The following MED27 variants were observed in gnomAD, a reference collection of about 807,000 sequenced individuals.
The protein encoded by MED27 is mediator of RNA polymerase II transcription subunit 27.
Under a neutral mutation model 38.2 loss-of-function variants are expected in MED27, and 30 were observed. The observed-to-expected ratio is 0.79, with a 90% confidence interval of 0.59 to 1.07. The LOEUF is 1.07. Ranked by LOEUF, MED27 falls within the 50% of genes least tolerant of loss-of-function variation. MED27 has a pLI of 0.00. For synonymous variants in MED27, 122 were observed against 153.5 expected, an observed-to-expected ratio of 0.79 and a Z score of 1.52; for missense variants, 289 against 397.5, an observed-to-expected ratio of 0.73 and a Z score of 2.32.
intron 3 of MED27, among the ~76,000 whole-genome samples, chr9:131,978,671 AAAC>A (rs904454178): frequency 1.3e-5 from 2 of 152,136 alleles, no homozygotes; most frequent in Admixed American, 6.5e-5. Context: ...TAAAAAGTTA[AAAC>A]AACAACAACA....
intron 2 of MED27, among the ~76,000 whole-genome samples, chr9:132,072,030 C>A (rs1279491641): frequency 6.6e-6 from 1 of 151,486 alleles, no homozygotes; most frequent in African/African-American, 2.4e-5. Flanking sequence ...GCGCAACACG[C>A]ACCCCGTGAA....
At position 132,051,086 on chromosome 9, in the gene MED27, C is replaced by T. The variant is rs1443651170; in HGVS notation, c.348+26356G>A. Among the ~76,000 whole-genome samples the T allele has an allele frequency of 6.6e-6, 1 of 152,180 alleles. No homozygotes were observed. The highest frequency in any genetic ancestry group is 1.5e-5 in the Non-Finnish European group (1 of 68,024). The stretch of plus-strand genomic sequence containing the variant: ...GCAGCGAATGTTCTAATGGATCCAT[C>T]CTTTTTCAAATGAAGTGTCAAGACA... On this transcript the variant is annotated intron_variant, in intron 2 of 7. Transcript: ENST00000292035. The surrounding 1 kb of genome is among the most constrained non-coding windows in gnomAD (Gnocchi z 4.2).
intron 6 of MED27, chr9:131,868,781 G>A (rs1353385394): frequency 1.0e-6 from 1 of 985,354 alleles, no homozygotes; most frequent in African/African-American, 1.7e-5. Flanking sequence ...GCAGCTGCCC[G>A]CCATCTCCCA....
rs540031997 is a variant in MED27 at position 131,928,570 on chromosome 9, C to A, written c.573+10811G>T. On this transcript the variant is annotated intron_variant, in intron 4 of 7. Coordinates refer to ENST00000292035, the MANE Select transcript of MED27 (RefSeq NM_004269.4). ...CACACTTGGGTGAGGGAGAGCACAG[C>A]GACTGGGGGACTTGCCATTGAACTC... 1.3e-5 allele frequency among the ~76,000 whole-genome samples: 2 copies of A among 152,272 alleles called. 1 individual carries two copies. The highest frequency in any genetic ancestry group is 4.1e-4 in the South Asian group (2 of 4,824).
chr9:131,888,933 T>C (rs192985333), intron 5 of MED27, among the ~76,000 whole-genome samples: 2 of 152,358 alleles, frequency 1.3e-5, no homozygotes, highest in Admixed American at 1.3e-4. Context: ...ACTAAAAAAC[T>C]GCTGAAAGCA....
chr9:132,024,196 C>T (rs1266285983), intron 2 of MED27, among the ~76,000 whole-genome samples: 1 of 152,152 alleles, frequency 6.6e-6, no homozygotes, highest in Non-Finnish European at 1.5e-5. Flanking sequence ...AGAAAGGCAA[C>T]GTTCAATCTT....
chr9:131,974,761 A>C (rs1831568121), intron 3 of MED27, among the ~76,000 whole-genome samples: 1 of 152,178 alleles, frequency 6.6e-6, no homozygotes. Context: ...CTTTCCTCCC[A>C]ACTCACCTGT....
intron 2 of MED27, among the ~76,000 whole-genome samples, chr9:132,020,094 T>A (rs530543928): frequency 1.7e-4 from 26 of 152,324 alleles, no homozygotes; most frequent in African/African-American, 5.5e-4. Context: ...AAATTCCAGA[T>A]GCACAGTGGC....
chr9:132,034,571 A>AGTG (rs1365495321), intron 2 of MED27, among the ~76,000 whole-genome samples: 3 of 152,222 alleles, frequency 2.0e-5, no homozygotes, highest in African/African-American at 7.2e-5. Context: ...GGTAGCTAAA[A>AGTG]CTGAGCACGT....
chr9:131,893,270 A>C (rs772686907), intron 5 of MED27, among the ~76,000 whole-genome samples: 7 of 152,036 alleles, frequency 4.6e-5, no homozygotes, highest in Admixed American at 1.3e-4. Context: ...GCAAACACAA[A>C]TGAAGGCTGT....
intron 1 of MED27, among the ~76,000 whole-genome samples, chr9:132,078,387 G>A (rs1340377383): frequency 6.6e-6 from 1 of 152,088 alleles, no homozygotes; most frequent in Non-Finnish European, 1.5e-5. Flanking sequence ...ATGGTGAAGG[G>A]TTATAATATC....
intron 5 of MED27, among the ~76,000 whole-genome samples, chr9:131,886,973 T>C (rs538811947): frequency 6.6e-6 from 1 of 152,344 alleles, no homozygotes; most frequent in Admixed American, 6.5e-5. Flanking sequence ...ATGTCTGAAC[T>C]TGGAACTAAT....
At chr9:131,957,764 T>C (rs748664809) in intron 3 of MED27, among the ~76,000 whole-genome samples, 1 of 152,108 alleles carries the variant, frequency 6.6e-6, no homozygotes, top group African/African-American at 2.4e-5. Context: ...CATGCTTCCA[T>C]GCACCATATA....
Position 132,079,786 on chromosome 9 carries a change from G to A in MED27, c.59C>T (p.Ala20Val). The A allele has an allele frequency of 1.2e-6, 2 of 1,614,068 alleles. No individual in the cohort carries two copies. The highest frequency in any genetic ancestry group is 1.7e-6 in the Non-Finnish European group (2 of 1,179,986). The change falls in exon 1 of 8, where the codon GCC becomes GTC. Residue 20 changes from alanine (A) to valine (V), a missense_variant. Physicochemically the swap from Ala to Val is moderately conservative, Grantham distance 64. Transcript: ENST00000292035. ...NLEAFSQAIS[A>V]IQALRSSVSR... is the part of the protein sequence containing the mutation. ...CACGCTGGAGCGCAGCGCCTGGATG[G>A]CACTAATGGCCTGGGAAAAGGCCTC...
intron 4 of MED27, among the ~76,000 whole-genome samples, chr9:131,911,599 A>G (rs547778734): frequency 6.6e-6 from 1 of 152,374 alleles, no homozygotes; most frequent in East Asian, 1.9e-4. Flanking sequence ...TGTTATTTGC[A>G]GGAAAAGAAA....
chr9:131,867,133 T>C (rs1313712827), intron 6 of MED27, among the ~76,000 whole-genome samples: 1 of 152,246 alleles, frequency 6.6e-6, no homozygotes, highest in African/African-American at 2.4e-5. Context: ...GTCAGTCTAG[T>C]GCCTGATGCA....
At position 132,030,536 on chromosome 9, in the gene MED27, G is replaced by A. The variant is rs1832936156; in HGVS notation, c.349-16069C>T. On this transcript the variant is annotated intron_variant, in intron 2 of 7. Coordinates refer to ENST00000292035, the MANE Select transcript of MED27 (RefSeq NM_004269.4). ...ACATAATGAAATACTAGCATCCGAC[G>A]GATCTTCTTAGAAAGCATACTAGAG... 2.0e-5 allele frequency among the ~76,000 whole-genome samples: 3 copies of A among 152,040 alleles called. No individual in the cohort carries two copies. The South Asian group carries it at 6.2e-4, about 32-fold the overall frequency.
intron 2 of MED27, among the ~76,000 whole-genome samples, chr9:132,038,165 G>A (rs1589281204): frequency 6.7e-6 from 1 of 149,998 alleles, no homozygotes; most frequent in Non-Finnish European, 1.5e-5. Flanking sequence ...TGGGCCAATC[G>A]CTAAAATGTG....
chr9:131,926,588 C>A (rs763041889), intron 4 of MED27, among the ~76,000 whole-genome samples: 1 of 152,222 alleles, frequency 6.6e-6, no homozygotes, highest in Non-Finnish European at 1.5e-5. Context: ...CCACAAACTA[C>A]GCTGGTGACT....
Sources: allele counts gnomAD v4.1 joint callset (sites outside exome capture counted in the v4.1 genomes callset), GRCh38; gene constraint gnomAD v4.1.1; non-coding constraint Gnocchi (gnomAD v3.1); transcripts MANE v1.5; gene names NCBI Gene and HGNC (gene_info 2026-07-23, HGNC 2026-07-21).